Variants in ITGB3BP observed in about 807,000 individuals in gnomAD.
ITGB3BP encodes integrin subunit beta 3 binding protein.
In ITGB3BP, 27 loss-of-function variants were observed where a neutral mutation model predicts 29.1. The ratio of observed to expected loss-of-function variants is 0.93; its 90% confidence interval spans 0.68 to 1.28. The LOEUF (loss-of-function observed/expected upper bound fraction) is 1.28. Ranked by LOEUF, ITGB3BP falls within the 50% of genes most tolerant of loss-of-function variation. The pLI, the probability that ITGB3BP is intolerant of heterozygous loss-of-function variation, is 0.00. For missense variants in ITGB3BP, 192 were observed against 200.2 expected, an observed-to-expected ratio of 0.96 and a Z score of 0.25; for synonymous variants, 61 against 61.4, an observed-to-expected ratio of 0.99 and a Z score of 0.03.
intron 3 of ITGB3BP, 74 bp from the exon 4 acceptor site, chr1:63,478,907 G>A: frequency 1.9e-6 from 1 of 529,924 alleles, no homozygotes; most frequent in Non-Finnish European, 3.2e-6. Context: ...AATTTAGTTT[G>A]TCAAATTTTA....
intron 3 of ITGB3BP, among the ~76,000 whole-genome samples, chr1:63,482,454 G>C (rs1380252235): frequency 6.6e-6 from 1 of 151,736 alleles, no homozygotes; most frequent in African/African-American, 2.4e-5. Flanking sequence ...ATTTGTTCAA[G>C]GTGGTCAAAC....
At chr1:63,481,595 G>A (rs905674278) in intron 3 of ITGB3BP, among the ~76,000 whole-genome samples, 1 of 152,136 alleles carries the variant, frequency 6.6e-6, no homozygotes, top group Non-Finnish European at 1.5e-5. Flanking sequence ...CAAAACATTG[G>A]TGATAAATGT....
At chr1:63,527,095 T>A (rs11208235), upstream of ITGB3BP, among the ~76,000 whole-genome samples, 27,387 of 152,254 alleles carry the variant, frequency 0.18, 2,575 homozygotes, top group Middle Eastern at 0.26. Flanking sequence ...AATTTGCCAT[T>A]ATTTCTAAAA....
chr1:63,519,694 C>G (rs955339949), intron 1 of ITGB3BP, among the ~76,000 whole-genome samples: 1 of 152,012 alleles, frequency 6.6e-6, no homozygotes, highest in South Asian at 2.1e-4. Context: ...CTTGGCCTGA[C>G]ACATCATTCC....
At chr1:63,501,123 T>G (rs2100734492) in intron 2 of ITGB3BP, among the ~76,000 whole-genome samples, 1 of 152,318 alleles carries the variant, frequency 6.6e-6, no homozygotes, top group East Asian at 1.9e-4. Context: ...GATATCTGTT[T>G]CAGTAACTGG....
chr1:63,490,300 C>A, intron 2 of ITGB3BP, 82 bp from the exon 3 acceptor site: 2 of 982,308 alleles, frequency 2.0e-6, no homozygotes, highest in Non-Finnish European at 3.0e-6. Context: ...AAAAAATCAG[C>A]AAAATTCAAA....
chr1:63,505,284 C>G (rs1035061526), intron 2 of ITGB3BP, among the ~76,000 whole-genome samples: 10 of 152,108 alleles, frequency 6.6e-5, no homozygotes, highest in Admixed American at 3.3e-4. Flanking sequence ...TCTAGATTTT[C>G]TAGTTTATTT....
chr1:63,519,830 T>C (rs1045808156), intron 1 of ITGB3BP, among the ~76,000 whole-genome samples: 2 of 152,170 alleles, frequency 1.3e-5, no homozygotes, highest in East Asian at 1.9e-4. Context: ...TTTTCCCTTA[T>C]CTTGGAAAAA....
At chr1:63,483,588 T>A (rs943630652) in intron 3 of ITGB3BP, among the ~76,000 whole-genome samples, 2 of 152,220 alleles carry the variant, frequency 1.3e-5, no homozygotes, top group African/African-American at 2.4e-5. Context: ...TTATTTCCTT[T>A]CTACTTTGGG....
intron 2 of ITGB3BP, among the ~76,000 whole-genome samples, chr1:63,493,093 C>CGCGCGT (rs1261341532): frequency 2.0e-5 from 3 of 150,288 alleles, no homozygotes; most frequent in African/African-American, 7.5e-5. Flanking sequence ...CACACACGCG[C>CGCGCGT]GCGCGCGCAA....
intron 4 of ITGB3BP, among the ~76,000 whole-genome samples, chr1:63,463,517 A>G (rs1485793213): frequency 6.6e-6 from 1 of 152,232 alleles, no homozygotes; most frequent in Non-Finnish European, 1.5e-5. Context: ...AACAATACAC[A>G]TGATGTCTCT....
At chr1:63,466,334 G>A (rs895249814) in intron 4 of ITGB3BP, among the ~76,000 whole-genome samples, 12 of 152,164 alleles carry the variant, frequency 7.9e-5, no homozygotes, top group African/African-American at 2.4e-4. Flanking sequence ...TCACACATGT[G>A]GAACACTGGA....
intron 8 of ITGB3BP, chr1:63,442,772 T>C (rs927345122): frequency 6.6e-6 from 1 of 152,208 alleles, no homozygotes; most frequent in Non-Finnish European, 1.5e-5. Context: ...ACTTGTATCA[T>C]TTATCATAAC....
intron 4 of ITGB3BP, among the ~76,000 whole-genome samples, chr1:63,461,989 T>C (rs538259346): frequency 3.9e-5 from 6 of 152,202 alleles, no homozygotes; most frequent in Non-Finnish European, 7.3e-5. Flanking sequence ...GGTTTTTCCA[T>C]TTCTGCAAAA....
At chr1:63,445,576 G>A (rs1644780819) in intron 8 of ITGB3BP, among the ~76,000 whole-genome samples, 1 of 151,706 alleles carries the variant, frequency 6.6e-6, no homozygotes, top group Non-Finnish European at 1.5e-5. Flanking sequence ...AGAGATAGCA[G>A]GCAAAACACC....
At chr1:63,452,611 CT>C (rs71582702) in intron 7 of ITGB3BP, among the ~76,000 whole-genome samples, 15 of 144,478 alleles carry the variant, frequency 1.0e-4, no homozygotes, top group South Asian at 2.2e-4. Flanking sequence ...CTAAATTTTT[CT>C]TTTTTCTTTT....
chr1:63,502,911 C>T (rs1305972419), intron 2 of ITGB3BP, among the ~76,000 whole-genome samples: 5 of 152,060 alleles, frequency 3.3e-5, no homozygotes, highest in Non-Finnish European at 5.9e-5. Flanking sequence ...TCCAGTCTAT[C>T]GTTGTTGGAC....
chr1:63,506,264 T>A (rs1341071878), intron 2 of ITGB3BP, among the ~76,000 whole-genome samples: 2 of 152,366 alleles, frequency 1.3e-5, no homozygotes, highest in Admixed American at 1.3e-4. Flanking sequence ...TTTACCATTA[T>A]GTAATGACCT....
At chr1:63,456,880 T>G (rs1269373249) in intron 4 of ITGB3BP, among the ~76,000 whole-genome samples, 1 of 152,158 alleles carries the variant, frequency 6.6e-6, no homozygotes, top group African/African-American at 2.4e-5. Flanking sequence ...CTCTCCTAAA[T>G]TAAGATAGTA....
Sources: gnomAD v4.1 joint callset for allele counts (sites outside exome capture counted in the v4.1 genomes callset) on GRCh38, gnomAD v4.1.1 for gene constraint, MANE v1.5 for transcripts, NCBI Gene and HGNC (gene_info 2026-07-23, HGNC 2026-07-21) for gene names.